CHID1: variants seen among roughly 807,000 people sequenced by gnomAD.
The protein encoded by CHID1 is chitinase domain-containing protein 1.
Under a neutral mutation model 55.4 loss-of-function variants are expected in CHID1, and 44 were observed. The ratio of observed to expected loss-of-function variants is 0.79; its 90% confidence interval spans 0.62 to 1.02. The LOEUF (loss-of-function observed/expected upper bound fraction) is 1.02, where lower values mean the gene tolerates loss of function less well. Among genes scored for constraint, CHID1 ranks in the 50% least tolerant of loss-of-function variants. The pLI is 0.00. For synonymous variants in CHID1, 216 were observed against 212.9 expected (o/e 1.01, Z -0.13); for missense variants, 491 against 515.3 (o/e 0.95, Z 0.46).
rs551930325 is a variant in CHID1 at position 894,060 on chromosome 11, T to C, written c.609-541A>G. Among the ~76,000 whole-genome samples the C allele has an allele frequency of 2.6e-3, 343 of 132,964 alleles. 3 individuals carry two copies. The highest frequency in any genetic ancestry group is 1.2e-3 in the Non-Finnish European group (75 of 65,164). The allele number at this position is 132,964 out of a possible 152,430, so 87.2% of individuals were successfully genotyped here. ...TTACTTGAACCCAGGAGGTGGAGGT[T>C]GCAGTGAGCTGAGATCGCACCACTG... On this transcript the variant is annotated intron_variant, in intron 7 of 12. Coordinates refer to ENST00000323578, the MANE Select transcript of CHID1 (RefSeq NM_023947.4).
chr11:875,834 A>G lies in CHID1; in HGVS notation c.960-5335T>C, dbSNP rs145945708. Among the ~76,000 whole-genome samples the G allele has an allele frequency of 5.9e-4, 90 of 152,262 alleles. 2 individuals carry two copies. The East Asian group carries it at 0.017, about 29-fold the overall frequency. ...CAATCCCTGCTGCTGCCGGCCTCCC[A>G]GACGTCCCCTGGCGGGTGACAGACA... On this transcript the variant is annotated intron_variant, in intron 10 of 12. Transcript: ENST00000323578. The surrounding 1 kb of genome is among the most constrained non-coding windows in gnomAD (Gnocchi z 4.7).
intron 10 of CHID1, among the ~76,000 whole-genome samples, chr11:881,336 T>C (rs1409113410): frequency 7.0e-6 from 1 of 142,312 alleles, no homozygotes; most frequent in Non-Finnish European, 1.5e-5. Flanking sequence ...TGGATGAGAT[T>C]AACGGTAGGC....
At chr11:880,803 A>G (rs894484142) in intron 10 of CHID1, among the ~76,000 whole-genome samples, 1 of 152,250 alleles carries the variant, frequency 6.6e-6, no homozygotes, top group African/African-American at 2.4e-5. Flanking sequence ...AGGCCTCCAC[A>G]AAAAGGACCA....
At chr11:873,680 C>T (rs1047700408) in intron 10 of CHID1, among the ~76,000 whole-genome samples, 7 of 152,086 alleles carry the variant, frequency 4.6e-5, no homozygotes, top group South Asian at 4.2e-4. Flanking sequence ...CCTACAGAGA[C>T]GGTGGGCTGG....
intron 4 of CHID1, 26 bp from the exon 5 acceptor site, chr11:901,006 A>G: frequency 6.3e-7 from 1 of 1,582,862 alleles, no homozygotes; most frequent in South Asian, 1.2e-5. Context: ...GGGACAGTCA[A>G]CACAGGCACG....
intron 8 of CHID1, among the ~76,000 whole-genome samples, chr11:887,761 C>T (rs1038790904): frequency 6.6e-6 from 1 of 152,204 alleles, no homozygotes; most frequent in African/African-American, 2.4e-5. Flanking sequence ...TGCCGTGAGC[C>T]GGGCTCGTGT....
At chr11:910,725 CTG>C (rs1211446124) in intron 1 of CHID1, 48 bp downstream of exon 1, 3 of 1,248,084 alleles carry the variant, frequency 2.4e-6, no homozygotes, top group East Asian at 1.5e-4. Context: ...GGGAGGGAAA[CTG>C]AGGCCGTGCA....
intron 7 of CHID1, among the ~76,000 whole-genome samples, chr11:897,362 C>T (rs756553503): frequency 1.3e-5 from 2 of 152,238 alleles, no homozygotes; most frequent in South Asian, 2.1e-4. Context: ...TGCTCTGAAA[C>T]GGAAATGAGT....
At chr11:910,943 C>T (rs1852637704), upstream of CHID1, 2 of 392,910 alleles carry the variant, frequency 5.1e-6, no homozygotes, top group Non-Finnish European at 6.8e-6. Flanking sequence ...AAAGTCGGGG[C>T]CGGGGCCGGG....
intron 2 of CHID1, chr11:903,753 C>T: frequency 4.7e-6 from 1 of 212,470 alleles, no homozygotes; most frequent in Non-Finnish European, 9.8e-6. Context: ...TGCGCTCCAG[C>T]CTGGGCAACA....
chr11:912,364 C>T (rs1286356892), upstream of CHID1, among the ~76,000 whole-genome samples: 5 of 152,064 alleles, frequency 3.3e-5, no homozygotes, highest in Admixed American at 1.3e-4. Flanking sequence ...TCACTCTGGG[C>T]CAGAACTACA....
intron 11 of CHID1, 48 bp from the exon 12 acceptor site, chr11:870,211 C>T (rs1321531379): frequency 3.1e-6 from 5 of 1,610,776 alleles, no homozygotes; most frequent in African/African-American, 2.7e-5. Flanking sequence ...TGGTTCCAGG[C>T]CTCCTCCCCT....
chr11:889,369 T>C (rs1433861767), intron 8 of CHID1, among the ~76,000 whole-genome samples: 1 of 152,084 alleles, frequency 6.6e-6, no homozygotes, highest in East Asian at 1.9e-4. Context: ...CATCTCTGGG[T>C]GACATCTGCA....
chr11:900,480 G>A (rs1851724964), intron 5 of CHID1, among the ~76,000 whole-genome samples: 1 of 152,146 alleles, frequency 6.6e-6, no homozygotes, highest in Admixed American at 6.5e-5. Context: ...CTCTCCCTTG[G>A]CAACTTGTGC....
upstream of CHID1, chr11:914,592 G>A: frequency 1.6e-6 from 2 of 1,288,976 alleles, no homozygotes; most frequent in Non-Finnish European, 2.0e-6. Context: ...TCGAAGGCTG[G>A]GAGTGGTGGC....
At chr11:882,150 T>C (rs185792029) in intron 10 of CHID1, among the ~76,000 whole-genome samples, 116 of 151,774 alleles carry the variant, frequency 7.6e-4, no homozygotes, top group East Asian at 1.4e-3. Flanking sequence ...TGCGGTGAAA[T>C]CCCATCTCTA....
chr11:871,733 G>A (rs1177348272), intron 10 of CHID1, among the ~76,000 whole-genome samples: 1 of 152,244 alleles, frequency 6.6e-6, no homozygotes, highest in Non-Finnish European at 1.5e-5. Context: ...GGGGCGCAGG[G>A]ACCTGGGCCG....
chr11:870,263 G>A (rs1849075815), intron 11 of CHID1, 100 bp from the exon 12 acceptor site: 4 of 1,509,906 alleles, frequency 2.6e-6, no homozygotes, highest in Non-Finnish European at 3.7e-6. Context: ...CACCCACCAG[G>A]TGGCCACCTG....
At chr11:892,892 G>A (rs541380811) in intron 8 of CHID1, among the ~76,000 whole-genome samples, 1 of 152,346 alleles carries the variant, frequency 6.6e-6, no homozygotes, top group South Asian at 2.1e-4. Context: ...GCATGTGCAG[G>A]GTGGCCGCCT....
Sources: gnomAD v4.1 joint callset for allele counts (sites outside exome capture counted in the v4.1 genomes callset) on GRCh38, gnomAD v4.1.1 for gene constraint, Gnocchi (gnomAD v3.1) non-coding constraint, MANE v1.5 for transcripts, NCBI Gene and HGNC (gene_info 2026-07-23, HGNC 2026-07-21) for gene names.